ZSCAN20: variants seen among roughly 807,000 people sequenced by gnomAD.
ZSCAN20 encodes the protein zinc finger and SCAN domain-containing protein 20.
A neutral mutation model predicts 97.1 loss-of-function variants in ZSCAN20; 39 were observed. The observed-to-expected ratio is 0.40, with a 90% CI of 0.31 to 0.52. The LOEUF is 0.52. ZSCAN20 is among the 20% of genes least tolerant of loss of function. The pLI, the probability that ZSCAN20 is intolerant of heterozygous loss-of-function variation, is 0.49. For synonymous variants in ZSCAN20, 456 were observed against 467.3 expected (o/e 0.98, Z 0.31); for missense variants, 1,115 against 1,290.4 (o/e 0.86, Z 2.08).
At chr1:33,475,580 A>G (rs1408829689) in intron 1 of ZSCAN20, among the ~76,000 whole-genome samples, 6 of 152,332 alleles carry the variant, frequency 3.9e-5, no homozygotes, top group Non-Finnish European at 8.8e-5. Flanking sequence ...CCTAGGTGCC[A>G]CCACCACATG....
chr1:33,475,751 C>T (rs1334380845), intron 1 of ZSCAN20, among the ~76,000 whole-genome samples: 2 of 152,032 alleles, frequency 1.3e-5, no homozygotes, highest in Non-Finnish European at 2.9e-5. Flanking sequence ...CCTCCGCCTC[C>T]TGGGTTTAAG....
rs944771071 is a variant in ZSCAN20, at chr1:33,500,845, G to A, written c.*5369G>A. On this transcript the variant is annotated 3_prime_UTR_variant, in exon 8 of 8. Coordinates refer to ENST00000684572, the MANE Select transcript of ZSCAN20 (RefSeq NM_001377376.1). ...GGAGAGGAGCCACAGGCCCAGGCTG[G>A]CAGAGTTGTGACTACTAGAATCTCG... Among the ~76,000 whole-genome samples the A allele has an allele frequency of 7.9e-5, 12 of 151,914 alleles. No homozygotes were observed. Among genetic ancestry groups the A allele is most frequent in the African/African-American group, 2.9e-4 (12 of 41,358 alleles).
Position 33,495,043 on chromosome 1 carries a change from A to C in ZSCAN20, c.2699A>C (p.Glu900Ala). ...AGTCACCAAAGAATCCATACGGGAGAGAAACCATATGAATGTGCCGAATGT... is the reference window on the plus strand; with the variant it reads ...AGTCACCAAAGAATCCATACGGGAGCGAAACCATATGAATGTGCCGAATGT... ...LISHQRIHTG[E>A]KPYECAECGK... The change falls in exon 8 of 8, where the codon GAG becomes GCG. Residue 900 changes from glutamate to alanine, a missense_variant. Physicochemically the swap from Glu to Ala is moderately radical, Grantham distance 107. Coordinates refer to ENST00000684572, the MANE Select transcript of ZSCAN20 (RefSeq NM_001377376.1). 1 of 1,613,478 alleles carries C rather than the reference A, an allele frequency of 6.2e-7. No individual in the cohort carries two copies. Among genetic ancestry groups the C allele is most frequent in the Non-Finnish European group, 8.5e-7 (1 of 1,179,578 alleles).
chr1:33,486,296 G>A (rs1488819640), intron 2 of ZSCAN20, among the ~76,000 whole-genome samples: 1 of 152,168 alleles, frequency 6.6e-6, no homozygotes, highest in African/African-American at 2.4e-5. Context: ...TCTCAGAGTT[G>A]TCCACACTGA....
chr1:33,475,600 G>A (rs1233974607), intron 1 of ZSCAN20, among the ~76,000 whole-genome samples: 7 of 152,088 alleles, frequency 4.6e-5, no homozygotes, highest in South Asian at 2.1e-4. Flanking sequence ...GCTTATTCTC[G>A]AACAGATAGT....
intron 2 of ZSCAN20, among the ~76,000 whole-genome samples, chr1:33,480,101 G>C (rs1652094707): frequency 6.6e-6 from 1 of 152,154 alleles, no homozygotes; most frequent in Admixed American, 6.6e-5. Context: ...TGATTAACTC[G>C]TGTTTTATAC....
At chr1:33,486,687 T>C (rs75808239) in intron 2 of ZSCAN20, among the ~76,000 whole-genome samples, 3,570 of 152,304 alleles carry the variant, frequency 0.023, 70 homozygotes, top group Non-Finnish European at 0.035. Flanking sequence ...TTGGAGGCAC[T>C]GGGGTTGAGA....
intron 2 of ZSCAN20, among the ~76,000 whole-genome samples, chr1:33,483,801 G>A (rs1652245826): frequency 1.3e-5 from 2 of 152,176 alleles, no homozygotes; most frequent in Admixed American, 1.3e-4. Flanking sequence ...GGGAAAAGCT[G>A]ACATCTTGAC....
Position 33,493,523 on chromosome 1 carries a change from G to A in ZSCAN20, c.1781G>A (p.Ser594Asn). ...AAGLPRCGQS[S>N]AETDAQEAWG... is the part of the protein sequence containing the mutation. ...GGTCTCCCTAGGTGTGGGCAGAGTA[G>A]TGCTGAGACTGATGCCCAGGAGGCC... Residue 594 changes from serine to asparagine, a missense_variant, in exon 7 of 8, where the codon AGT (serine) becomes AAT (asparagine). By Grantham distance (46) the Ser-to-Asn change is conservative. This residue lies in a region of ZSCAN20 where 554 missense variants were observed against 584.9 expected (regional missense o/e 0.95). Transcript: ENST00000684572. The surrounding 1 kb of genome is among the most constrained non-coding windows in gnomAD (Gnocchi z 4.3). 1 of 1,613,796 alleles carries A rather than the reference G, an allele frequency of 6.2e-7. No homozygotes were observed.
chr1:33,479,699 A>G lies in ZSCAN20; in HGVS notation c.411A>G (p.Gly137=). The change falls in exon 2 of 8, where the codon GGA becomes GGG. Residue 137 remains glycine (G), a synonymous_variant. Coordinates refer to ENST00000684572, the MANE Select transcript of ZSCAN20 (RefSeq NM_001377376.1). ...GGCACCGAGAGACCAGGACTGCAGG[A>G]CAGTCGGTGAGACAAACAGTCTTCT... The part of the protein sequence containing the change: ...EDWHRETRTA[G]QSGLELHTEE... 1 of 1,535,646 alleles carries G rather than the reference A, an allele frequency of 6.5e-7. No homozygotes were observed. Among genetic ancestry groups the G allele is most frequent in the African/African-American group, 1.4e-5 (1 of 72,068 alleles).
chr1:33,478,471 C>A (rs925349594), intron 1 of ZSCAN20, among the ~76,000 whole-genome samples: 3 of 151,884 alleles, frequency 2.0e-5, no homozygotes, highest in African/African-American at 7.3e-5. Context: ...AATAACAAAT[C>A]CAGTTTTTGA....
In ZSCAN20 at chr1:33,489,596, T is replaced by C; in HGVS notation, c.760T>C (p.Cys254Arg). The C allele has an allele frequency of 6.2e-7, 1 of 1,614,114 alleles. No individual in the cohort carries two copies. The highest frequency in any genetic ancestry group is 1.1e-5 in the South Asian group (1 of 91,078). ...AGGAGACGACTGTGGGAACAGCGTG[T>C]GCCTGGGTAAGGAGACGTACCCTCT... ...PPGDDCGNSV[C>R]LGVPVSKPSN... Residue 254 changes from cysteine to arginine, a missense_variant, in exon 5 of 8, where the codon TGC becomes CGC. Physicochemically the swap from Cys to Arg is radical, Grantham distance 180. Transcript: ENST00000684572.
chr1:33,500,682 A>G lies in ZSCAN20; in HGVS notation c.*5206A>G, dbSNP rs1388890457. ...AAGTCACTTTTTTTTTTTTTTTTAC[A>G]TTTTCATTGTAGAAAAATATCCCAT... On this transcript the variant is annotated 3_prime_UTR_variant, in exon 8 of 8. Coordinates refer to ENST00000684572, the MANE Select transcript of ZSCAN20 (RefSeq NM_001377376.1). Among the ~76,000 whole-genome samples, 1 of 135,260 alleles carries G rather than the reference A, an allele frequency of 7.4e-6. No homozygotes were observed. The highest frequency in any genetic ancestry group is 7.4e-5 in the Admixed American group (1 of 13,522). 88.7% of individuals were successfully genotyped at this position (135,260 alleles called of 152,430 possible).
rs781775066 is a variant in ZSCAN20, at chr1:33,495,702, C to A, written c.*226C>A. 35 of 377,432 alleles carry A rather than the reference C, an allele frequency of 9.3e-5. No homozygotes were observed. Among genetic ancestry groups the A allele is most frequent in the Non-Finnish European group, 1.6e-4 (33 of 212,470 alleles). 23.4% of individuals were successfully genotyped at this position (377,432 alleles called of 1,614,324 possible). Reference sequence around the variant, plus strand: ...CTTCTGTAAAGACCCACACAGAATCCTGACTGTCCTTGTATTTGCTATCAT... The same window carrying A: ...CTTCTGTAAAGACCCACACAGAATCATGACTGTCCTTGTATTTGCTATCAT... On this transcript the variant is annotated 3_prime_UTR_variant, in exon 8 of 8. Transcript: ENST00000684572.
rs959751862 is a variant in ZSCAN20, at chr1:33,493,928, G to A, written c.1874-290G>A. On this transcript the variant is annotated intron_variant, in intron 7 of 7. Coordinates refer to ENST00000684572, the MANE Select transcript of ZSCAN20 (RefSeq NM_001377376.1). The surrounding 1 kb of genome is among the most constrained non-coding windows in gnomAD (Gnocchi z 4.3). The stretch of plus-strand genomic sequence containing the variant: ...CATGATTGAGTACTAAGATAGAGGA[G>A]TTTGATGGGGAAACAGGTTGGCTGT... Among the ~76,000 whole-genome samples the A allele has an allele frequency of 5.3e-5, 8 of 152,210 alleles. No individual in the cohort carries two copies. The highest frequency in any genetic ancestry group is 1.9e-4 in the African/African-American group (8 of 41,458).
At position 33,488,534 on chromosome 1, in the gene ZSCAN20, C is replaced by A; in HGVS notation, c.487C>A (p.Gln163Lys). ...GGAAGAAGCTCAGAGCTTCCAGCTG[C>A]AGCCAGTGGATCCCTGGCCTGAGGG... ...TGEEAQSFQL[Q>K]PVDPWPEGQS... The change falls in exon 3 of 8, where the codon CAG becomes AAG. Residue 163 changes from glutamine (Q) to lysine (K), a missense_variant. Coordinates refer to ENST00000684572, the MANE Select transcript of ZSCAN20 (RefSeq NM_001377376.1). 6.2e-7 allele frequency: 1 copy of A among 1,614,152 alleles called. No homozygotes were observed.
At position 33,494,981 on chromosome 1, in the gene ZSCAN20, A is replaced by G; in HGVS notation, c.2637A>G (p.Glu879=). 6.2e-7 allele frequency: 1 copy of G among 1,614,154 alleles called. No homozygotes were observed. Among genetic ancestry groups the G allele is most frequent in the South Asian group, 1.1e-5 (1 of 91,078 alleles). ...NSGEKLYECS[E]CGRSFSKSSA... ...GGGAGAAACTTTATGAGTGTTCTGA[A>G]TGTGGAAGAAGCTTCTCTAAGAGCT... The change falls in exon 8 of 8, where the codon GAA becomes GAG. Residue 879 remains glutamate, a synonymous_variant. Transcript: ENST00000684572.
intron 1 of ZSCAN20, among the ~76,000 whole-genome samples, chr1:33,477,013 ATATAG>A (rs1651963087): frequency 6.6e-6 from 1 of 152,200 alleles, no homozygotes; most frequent in Non-Finnish European, 1.5e-5. Flanking sequence ...GATTCTAGTA[ATATAG>A]TATAATGTGG....
At chr1:33,482,495 T>G (rs140394231) in intron 2 of ZSCAN20, among the ~76,000 whole-genome samples, 37 of 152,358 alleles carry the variant, frequency 2.4e-4, no homozygotes, top group Middle Eastern at 6.8e-3. Context: ...CTTGGTTCCA[T>G]CAAAGTTTTG....
Sources: allele counts gnomAD v4.1 joint callset (sites outside exome capture counted in the v4.1 genomes callset), GRCh38; gene constraint gnomAD v4.1.1; regional missense constraint gnomAD v4.1.1; non-coding constraint Gnocchi (gnomAD v3.1); transcripts MANE v1.5; gene names NCBI Gene and HGNC (gene_info 2026-07-23, HGNC 2026-07-21).